FSIP2: variants seen among roughly 807,000 people sequenced by gnomAD.
FSIP2 encodes fibrous sheath interacting protein 2, also known as fibrous sheath-interacting protein 2.
FSIP2 carries 367 observed loss-of-function variants against 510.5 expected under a neutral mutation model. The observed-to-expected ratio is 0.72, with a 90% CI of 0.66 to 0.78. The LOEUF (loss-of-function observed/expected upper bound fraction) is 0.78. FSIP2 is among the 30% of genes least tolerant of loss of function. The pLI, the probability that FSIP2 is intolerant of heterozygous loss-of-function variation, is 0.00. For missense variants in FSIP2, 7,594 were observed against 7,901.7 expected (o/e 0.96, Z 1.48); for synonymous variants, 2,601 against 2,732.2 (o/e 0.95, Z 1.50).
chr2:185,765,039 G>T (rs948251359), intron 13 of FSIP2: 1 of 152,036 alleles, frequency 6.6e-6, no homozygotes, highest in Non-Finnish European at 1.5e-5. Context: ...CTTTATTAAG[G>T]TATAGTGGAT....
In FSIP2 at chr2:185,794,829, A is replaced by G; in HGVS notation, c.7693A>G (p.Arg2565Gly). 1 of 1,531,470 alleles carries G rather than the reference A, an allele frequency of 6.5e-7. No individual in the cohort carries two copies. The highest frequency in any genetic ancestry group is 1.2e-5 in the South Asian group (1 of 83,648). The allele number at this position is 1,531,470 out of a possible 1,614,324, so 94.9% of individuals were successfully genotyped here. A position where few individuals can be genotyped will look rare whatever the true frequency, so the allele number is the denominator to read the frequency against. The part of the protein sequence containing the change: ...VTSLYENNKS[R>G]TEVEISDHND... ...ATCATTATATGAAAATAATAAAAGTAGGACAGAAGTTGAAATATCTGACCA... is the reference window on the plus strand; with the variant it reads ...ATCATTATATGAAAATAATAAAAGTGGGACAGAAGTTGAAATATCTGACCA... Residue 2565 changes from arginine (R) to glycine (G), a missense_variant, in exon 16 of 23, where the codon AGG becomes GGG. Physicochemically the swap from Arg to Gly is moderately radical, Grantham distance 125. Coordinates refer to ENST00000424728, the MANE Select transcript of FSIP2 (RefSeq NM_173651.4).
Position 185,764,484 on chromosome 2 carries a change from C to T in FSIP2, c.1348-18C>T. The T allele has an allele frequency of 6.7e-7, 1 of 1,500,068 alleles. No homozygotes were observed. Among genetic ancestry groups the T allele is most frequent in the East Asian group, 2.5e-5 (1 of 40,018 alleles). 92.9% of individuals were successfully genotyped at this position (1,500,068 alleles called of 1,614,324 possible). On this transcript the variant is annotated intron_variant, in intron 12 of 22. Coordinates refer to ENST00000424728, the MANE Select transcript of FSIP2 (RefSeq NM_173651.4). ...TTTTTTTGTGGATCTATTTGTTTTG[C>T]TGTTGTGAATTATGTAGAAGGAGAC...
In FSIP2 at chr2:185,738,929, C is replaced by T. The variant is rs1307914094; in HGVS notation, c.35C>T (p.Ala12Val). ...ELYLGACSKP[A>V]KVAVTKTVAS... ...TACCTCGGCGCCTGCTCCAAGCCTGCCAAAGTCGCCGTCACCAAGACGGTC... is the reference window on the plus strand; with the variant it reads ...TACCTCGGCGCCTGCTCCAAGCCTGTCAAAGTCGCCGTCACCAAGACGGTC... The change falls in exon 1 of 23, where the codon GCC becomes GTC. Residue 12 changes from alanine to valine, a missense_variant. Ala to Val is a moderately conservative substitution (Grantham distance 64). Transcript: ENST00000424728. 2.0e-6 allele frequency: 3 copies of T among 1,534,638 alleles called. No individual in the cohort carries two copies. The highest frequency in any genetic ancestry group is 2.6e-6 in the Non-Finnish European group (3 of 1,146,694).
chr2:185,790,081 G>A lies in FSIP2; in HGVS notation c.2945G>A (p.Ser982Asn). 1 of 1,533,796 alleles carries A rather than the reference G, an allele frequency of 6.5e-7. No individual in the cohort carries two copies. The highest frequency in any genetic ancestry group is 8.7e-7 in the Non-Finnish European group (1 of 1,145,444). The change falls in exon 16 of 23, where the codon AGT (serine) becomes AAT (asparagine). Residue 982 changes from serine to asparagine, a missense_variant. By Grantham distance (46) the Ser-to-Asn change is conservative. Transcript: ENST00000424728. ...CTCACTGGCACTAGATTATCAAATA[G>A]TCCTAGGTCTGGAAGACCATTTCCA... ...YRLTGTRLSN[S>N]PRSGRPFPPI...
chr2:185,832,679 T>C (rs1312989734), intron 22 of FSIP2, among the ~76,000 whole-genome samples: 1 of 151,886 alleles, frequency 6.6e-6, no homozygotes, highest in Non-Finnish European at 1.5e-5. Flanking sequence ...AAATAGGAAC[T>C]CTTTTATTAC....
rs990306938 is a variant in FSIP2, at chr2:185,808,435, G to A, written c.19129G>A (p.Glu6377Lys). 1.2e-6 allele frequency: 2 copies of A among 1,605,844 alleles called. No homozygotes were observed. The highest frequency in any genetic ancestry group is 1.3e-5 in the African/African-American group (1 of 74,398). The change falls in exon 17 of 23, where the codon GAG (glutamate) becomes AAG (lysine). Residue 6377 changes from glutamate to lysine, a missense_variant. Transcript: ENST00000424728. ...SKDEKNLSKTELNKIASQLSK... is the reference protein window; with the variant it reads ...SKDEKNLSKTKLNKIASQLSK... ...AGATGAAAAAAACTTATCAAAGACT[G>A]AGTTAAATAAAATTGCATCTCAACT...
Position 185,800,316 on chromosome 2 carries a change from AAAT to A in FSIP2, c.11013_11015del (p.Asn3671del). 2.0e-6 allele frequency: 3 copies of A among 1,533,718 alleles called. No individual in the cohort carries two copies. Among genetic ancestry groups the A allele is most frequent in the Non-Finnish European group, 2.6e-6 (3 of 1,145,508 alleles). On this transcript the variant is annotated inframe_deletion, in exon 17 of 23. Transcript: ENST00000424728. ...AACAAATTGGTCAACTTTTTCAAAAAAATAAGTTAAGTTATCTTGCATGTAAGT... is the reference window on the plus strand; with the variant it reads ...AACAAATTGGTCAACTTTTTCAAAAAAAGTTAAGTTATCTTGCATGTAAGT...
rs1216255748 is a variant in FSIP2 at position 185,790,695 on chromosome 2, A to G, written c.3559A>G (p.Asn1187Asp). 2 of 1,534,100 alleles carry G rather than the reference A, an allele frequency of 1.3e-6. No homozygotes were observed. Among genetic ancestry groups the G allele is most frequent in the Non-Finnish European group, 1.7e-6 (2 of 1,145,474 alleles). The change falls in exon 16 of 23, where the codon AAT becomes GAT. Residue 1187 changes from asparagine (N) to aspartate (D), a missense_variant. By Grantham distance (23) the Asn-to-Asp change is conservative. Transcript: ENST00000424728. ...ILHKASNYIS[N>D]TTKSSISSSV... ...TCATAAGGCATCAAACTACATTTCC[A>G]ATACCACTAAAAGTTCCATTTCATC...
chr2:185,746,213 T>A (rs927686304), intron 5 of FSIP2, among the ~76,000 whole-genome samples: 4 of 152,068 alleles, frequency 2.6e-5, no homozygotes, highest in African/African-American at 9.7e-5. Flanking sequence ...AGACTACAGA[T>A]GAGAGATTTG....
chr2:185,769,388 T>C (rs1009082033), intron 13 of FSIP2, among the ~76,000 whole-genome samples: 3 of 152,226 alleles, frequency 2.0e-5, no homozygotes, highest in African/African-American at 7.2e-5. Context: ...ATCAGTGATA[T>C]TGGGCTTTTT....
Position 185,789,889 on chromosome 2 carries a change from C to T in FSIP2, c.2753C>T (p.Thr918Ile). The change falls in exon 16 of 23, where the codon ACT becomes ATT. Residue 918 changes from threonine to isoleucine, a missense_variant. Thr to Ile is a moderately conservative substitution (Grantham distance 89, BLOSUM62 -1). Transcript: ENST00000424728. Reference protein sequence around the residue: ...AINAILGYIQTELNNERIIAS... With the variant: ...AINAILGYIQIELNNERIIAS... ...AATGCTATACTAGGTTATATACAAACTGAACTAAATAATGAGAGAATTATT... is the reference window on the plus strand; with the variant it reads ...AATGCTATACTAGGTTATATACAAATTGAACTAAATAATGAGAGAATTATT... The T allele has an allele frequency of 6.5e-7, 1 of 1,532,530 alleles. No individual in the cohort carries two copies. Among genetic ancestry groups the T allele is most frequent in the Non-Finnish European group, 8.7e-7 (1 of 1,144,208 alleles). The allele number at this position is 1,532,530 out of a possible 1,614,324, so 94.9% of individuals were successfully genotyped here. A position where few individuals can be genotyped will look rare whatever the true frequency, so the allele number is the denominator to read the frequency against.
intron 9 of FSIP2, 71 bp downstream of exon 9, chr2:185,756,349 A>G: frequency 1.9e-6 from 1 of 522,760 alleles, no homozygotes; most frequent in Non-Finnish European, 3.2e-6. Context: ...TTTTGTAACA[A>G]CTTTTTTCAC....
In FSIP2 at chr2:185,808,170, A is replaced by G. The variant is rs4666690; in HGVS notation, c.18864A>G (p.Leu6288=). The change falls in exon 17 of 23, where the codon TTA becomes TTG. Residue 6288 remains leucine (L), a synonymous_variant. Coordinates refer to ENST00000424728, the MANE Select transcript of FSIP2 (RefSeq NM_173651.4). The part of the protein sequence containing the change: ...SNVLSDTIGF[L]MVNAISNSEF... ...TCCTCTCTGATACAATAGGCTTTTT[A>G]ATGGTGAATGCAATTTCGAATTCTG... 0.33 allele frequency: 534,572 copies of G among 1,609,844 alleles called. 90,472 individuals are homozygous for G. The highest frequency in any genetic ancestry group is 0.37 in the Middle Eastern group (2,229 of 6,028).
chr2:185,758,773 C>T (rs1054825178), intron 9 of FSIP2, among the ~76,000 whole-genome samples: 1 of 151,074 alleles, frequency 6.6e-6, no homozygotes, highest in Admixed American at 6.6e-5. Flanking sequence ...AAGTGATCAT[C>T]GATAGCTGGG....
At chr2:185,754,417 A>G (rs1030157855) in intron 8 of FSIP2, among the ~76,000 whole-genome samples, 1 of 151,500 alleles carries the variant, frequency 6.6e-6, no homozygotes, top group Admixed American at 6.6e-5. Flanking sequence ...TTGACTGTGT[A>G]GTACCAGGAA....
At chr2:185,738,173 A>G (rs1182956330), upstream of FSIP2, 1 of 177,768 alleles carries the variant, frequency 5.6e-6, no homozygotes, top group Non-Finnish European at 1.2e-5. Flanking sequence ...GTCAGGGGCC[A>G]TATTTTACTC....
chr2:185,824,267 G>A (rs1693975400), intron 19 of FSIP2, among the ~76,000 whole-genome samples, 167 bp from the exon 20 acceptor site: 1 of 151,774 alleles, frequency 6.6e-6, no homozygotes, highest in African/African-American at 2.4e-5. Context: ...TTTAAAAGTA[G>A]GGGAAAAAGT....
At chr2:185,739,034 C>G (rs1344817790) in intron 1 of FSIP2, 41 bp downstream of exon 1, 6 of 1,515,634 alleles carry the variant, frequency 4.0e-6, no homozygotes, top group East Asian at 4.9e-5. Context: ...CTCTGGCGGC[C>G]GCAGGCCTGC....
chr2:185,814,084 C>T, intron 18 of FSIP2, 42 bp downstream of exon 18: 2 of 1,552,522 alleles, frequency 1.3e-6, no homozygotes, highest in East Asian at 2.3e-5. Context: ...AAAGGGGAGA[C>T]ATCTTCACAA....
Sources: allele counts gnomAD v4.1 joint callset (sites outside exome capture counted in the v4.1 genomes callset), GRCh38; gene constraint gnomAD v4.1.1; transcripts MANE v1.5; gene names NCBI Gene and HGNC (gene_info 2026-07-23, HGNC 2026-07-21).